CDH9: variants seen among roughly 807,000 people sequenced by gnomAD.
The protein encoded by CDH9 is cadherin-9.
CDH9 carries 28 observed loss-of-function variants against 70.9 expected under a neutral mutation model. That is an observed-to-expected ratio of 0.40 (90% CI 0.29 to 0.54). The LOEUF (loss-of-function observed/expected upper bound fraction) is 0.54, where lower values mean the gene tolerates loss of function less well. Ranked by LOEUF, CDH9 falls within the 20% of genes least tolerant of loss-of-function variation. CDH9 has a pLI of 0.59. For synonymous variants in CDH9, 409 were observed against 343.1 expected, an observed-to-expected ratio of 1.19 and a Z score of -2.12; for missense variants, 874 against 984.4, an observed-to-expected ratio of 0.89 and a Z score of 1.50.
intron 2 of CDH9, among the ~76,000 whole-genome samples, chr5:26,951,842 C>T (rs1419709699): frequency 1.3e-5 from 2 of 152,118 alleles, no homozygotes; most frequent in South Asian, 2.1e-4. Context: ...AGGTTGTTTT[C>T]ACAGATTTCT....
At chr5:26,990,822 C>T (rs915583983) in intron 1 of CDH9, among the ~76,000 whole-genome samples, 6 of 152,172 alleles carry the variant, frequency 3.9e-5, no homozygotes, top group Admixed American at 2.6e-4. Context: ...GATCATTGAC[C>T]TTGCTTATAA....
chr5:26,902,566 T>A lies in CDH9; in HGVS notation c.1163A>T (p.Tyr388Phe), dbSNP rs929731772. Reference protein sequence around the residue: ...DEPPVFTKVSYLIEVDEDVKE... With the variant: ...DEPPVFTKVSFLIEVDEDVKE... ...TACATCTTCATCTACTTCTATCAAGTAAGAGACTTTAGTGAACACAGGAGG... is the reference window on the plus strand; with the variant it reads ...TACATCTTCATCTACTTCTATCAAGAAAGAGACTTTAGTGAACACAGGAGG... Residue 388 changes from tyrosine to phenylalanine, a missense_variant, in exon 7 of 12, where the codon TAC (tyrosine) becomes TTC (phenylalanine). Physicochemically the swap from Tyr to Phe is conservative, Grantham distance 22 (BLOSUM62 3). Transcript: ENST00000231021. The A allele has an allele frequency of 6.3e-7, 1 of 1,594,994 alleles. No homozygotes were observed.
intron 2 of CDH9, among the ~76,000 whole-genome samples, chr5:26,937,075 G>C (rs1381998684): frequency 6.6e-6 from 1 of 152,046 alleles, no homozygotes; most frequent in Non-Finnish European, 1.5e-5. Flanking sequence ...GTGAAAGATA[G>C]TGCTAGGGTA....
chr5:26,880,865 A>G lies in CDH9; in HGVS notation c.*271T>C, dbSNP rs1561180016. On this transcript the variant is annotated 3_prime_UTR_variant, in exon 12 of 12. Coordinates refer to ENST00000231021, the MANE Select transcript of CDH9 (RefSeq NM_016279.4). ...TAAGAAAAGGCACAAAAAGCCTTTT[A>G]CTTATTTTTATTGATTATTGATGTG... 1 of 260,478 alleles carries G rather than the reference A, an allele frequency of 3.8e-6. No individual in the cohort carries two copies. The highest frequency in any genetic ancestry group is 7.2e-6 in the Non-Finnish European group (1 of 138,458). 16.1% of individuals were successfully genotyped at this position (260,478 alleles called of 1,614,324 possible). A position where few individuals can be genotyped will look rare whatever the true frequency, so the allele number is the denominator to read the frequency against.
chr5:26,937,169 G>C (rs1478042710), intron 2 of CDH9, among the ~76,000 whole-genome samples: 1 of 151,912 alleles, frequency 6.6e-6, no homozygotes, highest in African/African-American at 2.4e-5. Context: ...AATGTACAAA[G>C]AACTCTTAAG....
intron 2 of CDH9, among the ~76,000 whole-genome samples, chr5:26,957,860 TTA>T (rs1741971982): frequency 1.4e-5 from 2 of 143,476 alleles, no homozygotes. Context: ...AACCATTATT[TTA>T]TATACGGATT....
intron 2 of CDH9, among the ~76,000 whole-genome samples, chr5:26,966,159 T>G (rs1369838930): frequency 6.6e-6 from 1 of 152,134 alleles, no homozygotes; most frequent in Non-Finnish European, 1.5e-5. Context: ...TCATATCCAG[T>G]GGCTGATTGA....
intron 2 of CDH9, among the ~76,000 whole-genome samples, chr5:26,937,436 A>G (rs1741578557): frequency 6.6e-6 from 1 of 152,166 alleles, no homozygotes; most frequent in South Asian, 2.1e-4. Flanking sequence ...ATAAAATATT[A>G]AAGTTACTTT....
intron 2 of CDH9, among the ~76,000 whole-genome samples, chr5:26,940,978 A>G (rs1213496920): frequency 6.6e-6 from 1 of 152,248 alleles, no homozygotes; most frequent in Non-Finnish European, 1.5e-5. Flanking sequence ...TAGGGTTTTC[A>G]TAGAACATAA....
At position 26,903,929 on chromosome 5, in the gene CDH9, T is replaced by G. The variant is rs879071934; in HGVS notation, c.812-105A>C. ...TACATTAATTTTAAATAGGGAGAGT[T>G]TTTATCATATTGAATTGTAAGCTGT... On this transcript the variant is annotated intron_variant, in intron 5 of 11. Transcript: ENST00000231021. 9.8e-6 allele frequency: 6 copies of G among 612,654 alleles called. No homozygotes were observed. The Admixed American group carries it at 1.8e-4, about 18-fold the overall frequency. The allele number at this position is 612,654 out of a possible 1,614,324, so 38.0% of individuals were successfully genotyped here. A position where few individuals can be genotyped will look rare whatever the true frequency, so the allele number is the denominator to read the frequency against.
At chr5:27,031,356 T>C (rs984356863) in intron 1 of CDH9, among the ~76,000 whole-genome samples, 1 of 151,972 alleles carries the variant, frequency 6.6e-6, no homozygotes, top group Non-Finnish European at 1.5e-5. Context: ...GTGGTTAGGA[T>C]ACATTTCTTC....
intron 1 of CDH9, among the ~76,000 whole-genome samples, chr5:27,017,932 T>C (rs1159585414): frequency 6.6e-6 from 1 of 151,970 alleles, no homozygotes; most frequent in East Asian, 1.9e-4. Flanking sequence ...TTTTATTTTC[T>C]CATTTATATT....
At chr5:26,897,904 G>C (rs571893427) in intron 7 of CDH9, among the ~76,000 whole-genome samples, 1 of 152,250 alleles carries the variant, frequency 6.6e-6, no homozygotes, top group South Asian at 2.1e-4. Context: ...CAGATGACAT[G>C]ATTGTATATT....
At chr5:26,927,003 C>T (rs1741354510) in intron 2 of CDH9, among the ~76,000 whole-genome samples, 1 of 149,158 alleles carries the variant, frequency 6.7e-6, no homozygotes, top group Non-Finnish European at 1.5e-5. Flanking sequence ...CAAAAATCCT[C>T]AACAAATTCT....
At chr5:26,921,752 C>T (rs768619371) in intron 2 of CDH9, among the ~76,000 whole-genome samples, 1 of 151,994 alleles carries the variant, frequency 6.6e-6, no homozygotes, top group Non-Finnish European at 1.5e-5. Flanking sequence ...GTCTCTTTGC[C>T]GAATTCCTTC....
At chr5:26,959,460 AG>A (rs1482158835) in intron 2 of CDH9, among the ~76,000 whole-genome samples, 2 of 152,086 alleles carry the variant, frequency 1.3e-5, no homozygotes, top group Non-Finnish European at 2.9e-5. Context: ...TACCTCAAAA[AG>A]TTAAACAGAA....
intron 7 of CDH9, among the ~76,000 whole-genome samples, chr5:26,891,927 A>T (rs993381536): frequency 7.2e-5 from 11 of 152,172 alleles, no homozygotes; most frequent in Non-Finnish European, 1.6e-4. Flanking sequence ...CACAACTGCA[A>T]GGACTTGAAA....
chr5:26,939,225 G>T (rs1354764150), intron 2 of CDH9, among the ~76,000 whole-genome samples: 2 of 151,724 alleles, frequency 1.3e-5, no homozygotes, highest in Admixed American at 6.6e-5. Context: ...TCTGAAAAAT[G>T]TCAAAAGTTA....
chr5:26,885,472 C>T, intron 11 of CDH9, 142 bp downstream of exon 11: 1 of 754,538 alleles, frequency 1.3e-6, no homozygotes, highest in Non-Finnish European at 2.1e-6. Context: ...TTATTTTTTC[C>T]TAATTGAAAG....
Sources: allele counts gnomAD v4.1 joint callset (sites outside exome capture counted in the v4.1 genomes callset), GRCh38; gene constraint gnomAD v4.1.1; transcripts MANE v1.5; gene names NCBI Gene and HGNC (gene_info 2026-07-23, HGNC 2026-07-21).